The following TAGLN3 variants were observed in gnomAD, a reference collection of about 807,000 sequenced individuals.
TAGLN3 encodes transgelin-3.
A neutral mutation model predicts 25.4 loss-of-function variants in TAGLN3; 12 were observed. That is an observed-to-expected ratio of 0.47 (90% CI 0.30 to 0.77). The LOEUF (loss-of-function observed/expected upper bound fraction) is 0.77, where lower values mean the gene tolerates loss of function less well. Ranked by LOEUF, TAGLN3 falls within the 30% of genes least tolerant of loss-of-function variation. TAGLN3 has a pLI of 0.06. For synonymous variants in TAGLN3, 96 were observed against 94.8 expected (o/e 1.01, Z -0.08); for missense variants, 218 against 255.8 (o/e 0.85, Z 1.01).
chr3:112,000,939 A>C lies in TAGLN3; in HGVS notation c.348A>C (p.Leu116=). The change falls in exon 3 of 5, where the codon CTA becomes CTC. Residue 116 remains leucine (L), a synonymous_variant. Transcript: ENST00000478951. ...RTTDIFQTVD[L]WEGKDMAAVQ... ...CCGACATCTTTCAGACGGTGGATCT[A>C]TGGGAAGGTAAACAGCCCCCTGGCC... 1 of 1,613,722 alleles carries C rather than the reference A, an allele frequency of 6.2e-7. No individual in the cohort carries two copies. The highest frequency in any genetic ancestry group is 8.5e-7 in the Non-Finnish European group (1 of 1,179,888).
At chr3:112,013,290 T>TC in intron 4 of TAGLN3, 120 bp from the exon 5 acceptor site, 1 of 1,311,836 alleles carries the variant, frequency 7.6e-7, no homozygotes, top group Non-Finnish European at 1.0e-6. Context: ...TAACCACAGC[T>TC]CAGGGTAGGA....
intron 3 of TAGLN3, among the ~76,000 whole-genome samples, chr3:112,006,442 G>A (rs952953199): frequency 6.6e-6 from 1 of 152,098 alleles, no homozygotes; most frequent in Non-Finnish European, 1.5e-5. Flanking sequence ...CAATATTTTG[G>A]TCTACCTTCA....
intron 3 of TAGLN3, among the ~76,000 whole-genome samples, chr3:112,010,403 A>G (rs915190150): frequency 6.6e-6 from 1 of 152,210 alleles, no homozygotes; most frequent in Non-Finnish European, 1.5e-5. Context: ...ACTGCCTAAG[A>G]GCAAGTCCTC....
Position 112,002,648 on chromosome 3 carries a change from C to CT in TAGLN3, c.355+1702_355+1703insT, listed in dbSNP as rs1331117421. ...ATGGAAGGGACCCGGGTGAGTCCCC[C>CT]CCCCACCCCACAAAGTGCAGGAAGT... On this transcript the variant is annotated intron_variant, in intron 3 of 4. Coordinates refer to ENST00000478951, the MANE Select transcript of TAGLN3 (RefSeq NM_001008272.2). Among the ~76,000 whole-genome samples the CT allele has an allele frequency of 2.7e-5, 4 of 149,912 alleles. No homozygotes were observed. In the Admixed American group the frequency reaches 2.7e-4, roughly 10 times the overall value.
At chr3:112,000,494 T>A in intron 2 of TAGLN3, 1 of 328,242 alleles carries the variant, frequency 3.0e-6, no homozygotes, top group South Asian at 9.3e-5. Flanking sequence ...CTTTCCCTCA[T>A]CCAGAAAAAG....
At chr3:112,011,584 A>T (rs997408051) in intron 3 of TAGLN3, among the ~76,000 whole-genome samples, 179 bp from the exon 4 acceptor site, 2 of 152,232 alleles carry the variant, frequency 1.3e-5, no homozygotes, top group African/African-American at 4.8e-5. Context: ...TTCCTTTCTG[A>T]GAAGTTTGGG....
chr3:112,000,464 A>T (rs1350081702), intron 2 of TAGLN3: 11 of 257,726 alleles, frequency 4.3e-5, no homozygotes, highest in Non-Finnish European at 8.1e-5. Context: ...ACGTCACATC[A>T]TTCCCTATCT....
intron 3 of TAGLN3, among the ~76,000 whole-genome samples, chr3:112,004,206 A>G (rs2072892151): frequency 7.4e-6 from 1 of 135,534 alleles, no homozygotes; most frequent in Admixed American, 7.8e-5. Context: ...TCTCTTGGAA[A>G]ACAGAAGGTG....
chr3:112,000,526 A>C, intron 2 of TAGLN3: 1 of 381,188 alleles, frequency 2.6e-6, no homozygotes, highest in Non-Finnish European at 4.7e-6. Context: ...CAGGGAGGGA[A>C]TGGCGCTCCC....
intron 3 of TAGLN3, among the ~76,000 whole-genome samples, chr3:112,002,923 A>C (rs1286745226): frequency 2.0e-5 from 3 of 152,062 alleles, no homozygotes; most frequent in African/African-American, 7.2e-5. Context: ...CCTCTAAAGA[A>C]AGAGGGAGGC....
At chr3:112,009,293 T>C (rs1228499979) in intron 3 of TAGLN3, among the ~76,000 whole-genome samples, 2 of 152,168 alleles carry the variant, frequency 1.3e-5, no homozygotes, top group African/African-American at 4.8e-5. Context: ...GTTTCAGTCT[T>C]GTTTGGATGA....
intron 2 of TAGLN3, 86 bp from the exon 3 acceptor site, chr3:112,000,686 G>A: frequency 6.9e-7 from 1 of 1,443,562 alleles, no homozygotes; most frequent in Non-Finnish European, 9.5e-7. Flanking sequence ...GATGAGCAGT[G>A]TCCCACGTGA....
chr3:112,000,545 G>T, intron 2 of TAGLN3: 1 of 430,080 alleles, frequency 2.3e-6, no homozygotes, highest in South Asian at 6.4e-5. Flanking sequence ...CCAGGCTACA[G>T]GAATCTCTGT....
chr3:112,012,099 A>G (rs2072982630), intron 4 of TAGLN3, among the ~76,000 whole-genome samples: 1 of 152,142 alleles, frequency 6.6e-6, no homozygotes, highest in South Asian at 2.1e-4. Flanking sequence ...AGCTCCACCC[A>G]GGTTCTGTTT....
At chr3:112,003,768 C>T (rs539564092) in intron 3 of TAGLN3, among the ~76,000 whole-genome samples, 1 of 152,210 alleles carries the variant, frequency 6.6e-6, no homozygotes, top group South Asian at 2.1e-4. Flanking sequence ...CATGCCCAAC[C>T]TCTCACTCTC....
intron 3 of TAGLN3, among the ~76,000 whole-genome samples, chr3:112,009,036 A>C (rs1344602173): frequency 6.6e-6 from 1 of 152,114 alleles, no homozygotes; most frequent in Non-Finnish European, 1.5e-5. Flanking sequence ...AAGAGACAGA[A>C]AGTAAAGGTG....
intron 4 of TAGLN3, 90 bp from the exon 5 acceptor site, chr3:112,013,320 A>AC: frequency 6.7e-7 from 1 of 1,495,838 alleles, no homozygotes; most frequent in South Asian, 1.3e-5. Context: ...CTATTTGGGG[A>AC]CCCCCAGCAG....
Position 112,011,764 on chromosome 3 carries a change from G to C in TAGLN3, c.357G>C (p.Gly119=). 1.2e-6 allele frequency: 2 copies of C among 1,611,084 alleles called. No individual in the cohort carries two copies. The highest frequency in any genetic ancestry group is 1.7e-6 in the Non-Finnish European group (2 of 1,178,508). ...TTTAAGCTCTTTGTTGGCTTCCAGG[G>C]AAGGACATGGCAGCTGTGCAGAGGA... ...DIFQTVDLWE[G]KDMAAVQRTL... is the part of the protein sequence containing the mutation. The change falls in exon 4 of 5, where the codon GGG becomes GGC. Residue 119 remains glycine (G), a splice_region_variant and synonymous_variant. Coordinates refer to ENST00000478951, the MANE Select transcript of TAGLN3 (RefSeq NM_001008272.2).
chr3:111,999,887 T>C (rs988412368), intron 2 of TAGLN3, among the ~76,000 whole-genome samples: 26 of 152,202 alleles, frequency 1.7e-4, no homozygotes, highest in African/African-American at 5.5e-4. Flanking sequence ...GAGATAAGTA[T>C]GTCCTTGTAA....
Sources: allele counts gnomAD v4.1 joint callset (sites outside exome capture counted in the v4.1 genomes callset), GRCh38; gene constraint gnomAD v4.1.1; transcripts MANE v1.5; gene names NCBI Gene and HGNC (gene_info 2026-07-23, HGNC 2026-07-21).